The following EFCAB14 variants were observed in gnomAD, a reference collection of about 807,000 sequenced individuals.
EFCAB14 encodes EF-hand calcium binding domain 14.
EFCAB14 carries 43 observed loss-of-function variants against 56.5 expected under a neutral mutation model. The ratio of observed to expected loss-of-function variants is 0.76; its 90% CI spans 0.60 to 0.98. The LOEUF (loss-of-function observed/expected upper bound fraction) is 0.98, where lower values mean the gene tolerates loss of function less well. Ranked by LOEUF, EFCAB14 falls within the 50% of genes least tolerant of loss-of-function variation. The pLI is 0.00. For synonymous variants in EFCAB14, 235 were observed against 212.9 expected, an observed-to-expected ratio of 1.10 and a Z score of -0.90; for missense variants, 538 against 580.3, an observed-to-expected ratio of 0.93 and a Z score of 0.75.
Position 46,696,639 on chromosome 1 carries a change from A to G in EFCAB14, c.491T>C (p.Leu164Ser), listed in dbSNP as rs1677081889. 1 of 1,613,418 alleles carries G rather than the reference A, an allele frequency of 6.2e-7. No individual in the cohort carries two copies. Among genetic ancestry groups the G allele is most frequent in the Non-Finnish European group, 8.5e-7 (1 of 1,179,488 alleles). Residue 164 changes from leucine (L) to serine (S), a missense_variant, in exon 4 of 11, where the codon TTG (leucine) becomes TCG (serine). Transcript: ENST00000371933. ...TTTGAGGTGGTTCACTGCAGAAGTC[A>G]ACAGAGAAATCTGAACAAAAAAGAG... ...ITEMNKQISL[L>S]TSAVNHLKAN...
rs1676826537 is a variant in EFCAB14 at position 46,683,337 on chromosome 1, T to C, written c.1275A>G (p.Leu425=). Residue 425 remains leucine, a synonymous_variant, in exon 10 of 11, where the codon CTA becomes CTG. Coordinates refer to ENST00000371933, the MANE Select transcript of EFCAB14 (RefSeq NM_014774.3). ...AAACTCCTGGTAGGGAGATAGGTCT[T>C]AGTTGGGCAGCTTTCTCAACTGGGT... The part of the protein sequence containing the change: ...LGDPVEKAAQ[L]RPISLPGVSS... 1.2e-6 allele frequency: 2 copies of C among 1,614,102 alleles called. No individual in the cohort carries two copies. The highest frequency in any genetic ancestry group is 1.7e-6 in the Non-Finnish European group (2 of 1,179,984).
At chr1:46,708,205 T>A (rs535157215) in intron 2 of EFCAB14, among the ~76,000 whole-genome samples, 154 bp from the exon 3 acceptor site, 1 of 152,346 alleles carries the variant, frequency 6.6e-6, no homozygotes, top group South Asian at 2.1e-4. Flanking sequence ...TCTTTCACAC[T>A]AAAGCTCCCA....
At chr1:46,704,016 C>A (rs1265540352) in intron 3 of EFCAB14, among the ~76,000 whole-genome samples, 1 of 152,178 alleles carries the variant, frequency 6.6e-6, no homozygotes, top group Non-Finnish European at 1.5e-5. Flanking sequence ...AGTTCAAGAT[C>A]TCTAGGAAAT....
intron 1 of EFCAB14, 134 bp downstream of exon 1, chr1:46,717,769 T>A: frequency 1.1e-6 from 1 of 887,930 alleles, no homozygotes; most frequent in Admixed American, 2.9e-5. Flanking sequence ...CCTAAAACCG[T>A]TTTTCCCTCT....
At chr1:46,703,187 G>C (rs1202686459) in intron 3 of EFCAB14, among the ~76,000 whole-genome samples, 1 of 151,558 alleles carries the variant, frequency 6.6e-6, no homozygotes, top group Non-Finnish European at 1.5e-5. Flanking sequence ...TCAGCTCACT[G>C]CAACCTCTGC....
intron 10 of EFCAB14, among the ~76,000 whole-genome samples, chr1:46,681,717 G>A (rs1033392213): frequency 1.3e-5 from 2 of 149,132 alleles, no homozygotes; most frequent in East Asian, 2.0e-4. Context: ...GCTACACTAC[G>A]CACTTGGTAG....
rs1021797057 is a variant in EFCAB14 at position 46,719,046 on chromosome 1, G to GGCGGCGGCT, written c.-968_-960dup. The GGCGGCGGCT allele has an allele frequency of 6.3e-6, 1 of 159,130 alleles. No homozygotes were observed. The highest frequency in any genetic ancestry group is 1.4e-5 in the Non-Finnish European group (1 of 73,152). 9.9% of individuals were successfully genotyped at this position (159,130 alleles called of 1,614,324 possible). A position where few individuals can be genotyped will look rare whatever the true frequency, so the allele number is the denominator to read the frequency against. On this transcript the variant is annotated 5_prime_UTR_variant, in exon 1 of 11. Transcript: ENST00000371933. The surrounding 1 kb of genome is among the most constrained non-coding windows in gnomAD (Gnocchi z 4.0). ...CCGACACGTTGTTGTTGGCGTTGGT[G>GGCGGCGGCT]GCGGCGGCTGCGGCGGCGGCGGCCG... is the stretch of plus-strand genomic sequence containing the variant.
intron 5 of EFCAB14, among the ~76,000 whole-genome samples, chr1:46,690,312 C>G (rs1291722887): frequency 6.6e-6 from 1 of 152,138 alleles, no homozygotes; most frequent in East Asian, 1.9e-4. Context: ...GTGAGGAAAA[C>G]TTTGCATGGC....
intron 10 of EFCAB14, among the ~76,000 whole-genome samples, chr1:46,679,784 T>C (rs866800320): frequency 1.3e-5 from 2 of 151,988 alleles, no homozygotes; most frequent in Middle Eastern, 6.8e-3. Flanking sequence ...CTAATTTTTG[T>C]ATTTTTAGTA....
chr1:46,710,795 T>C (rs942268049), intron 2 of EFCAB14, among the ~76,000 whole-genome samples: 1 of 152,178 alleles, frequency 6.6e-6, no homozygotes, highest in Non-Finnish European at 1.5e-5. Flanking sequence ...CAAGTGATCC[T>C]TCTGCCTCAG....
intron 10 of EFCAB14, among the ~76,000 whole-genome samples, chr1:46,680,208 T>A (rs746973336): frequency 6.6e-6 from 1 of 152,164 alleles, no homozygotes; most frequent in Non-Finnish European, 1.5e-5. Context: ...TTCCTAGGTA[T>A]ATATATACTC....
At chr1:46,709,903 A>C (rs1002228865) in intron 2 of EFCAB14, among the ~76,000 whole-genome samples, 1 of 152,072 alleles carries the variant, frequency 6.6e-6, no homozygotes, top group African/African-American at 2.4e-5. Context: ...AAGGAGAATC[A>C]TTTGAACCTG....
rs756283516 is a variant in EFCAB14, at chr1:46,708,006, T to C, written c.380A>G (p.Asn127Ser). 43 of 1,612,716 alleles carry C rather than the reference T, an allele frequency of 2.7e-5. No individual in the cohort carries two copies. Among genetic ancestry groups the C allele is most frequent in the Non-Finnish European group, 3.5e-5 (41 of 1,179,708 alleles). ...TTTTTGCTTGCTGAGTAGTTCTTCATTAAGTTTGGGGATTTCTTGGAATGA... is the reference window on the plus strand; with the variant it reads ...TTTTTGCTTGCTGAGTAGTTCTTCACTAAGTTTGGGGATTTCTTGGAATGA... ...KSSFQEIPKL[N>S]EELLSKQKQL... The change falls in exon 3 of 11, where the codon AAT becomes AGT. Residue 127 changes from asparagine (N) to serine (S), a missense_variant. Physicochemically the swap from Asn to Ser is conservative, Grantham distance 46 (BLOSUM62 1). Transcript: ENST00000371933.
chr1:46,716,248 CAAAAAAAAAAA>C, intron 2 of EFCAB14, 36 bp downstream of exon 2: 19 of 1,053,856 alleles, frequency 1.8e-5, no homozygotes, highest in South Asian at 4.9e-5. Flanking sequence ...GACCCTGTCT[CAAAAAAAAAAA>C]AAAAAAAAAA....
At chr1:46,706,628 T>C (rs1037337311) in intron 3 of EFCAB14, among the ~76,000 whole-genome samples, 2 of 152,182 alleles carry the variant, frequency 1.3e-5, no homozygotes, top group Non-Finnish European at 2.9e-5. Flanking sequence ...GTGGTCTACT[T>C]TCACCTGATG....
Position 46,676,769 on chromosome 1 carries a change from G to A in EFCAB14, c.*1692C>T, listed in dbSNP as rs1165028224. On this transcript the variant is annotated 3_prime_UTR_variant, in exon 11 of 11. Transcript: ENST00000371933. ...AGCATAAGCTATAATGAGATAAGGG[G>A]ACACATTCATGGGAAAAGACTTCAT... 1 of 152,326 alleles carries A rather than the reference G, an allele frequency of 6.6e-6. No homozygotes were observed. Among genetic ancestry groups the A allele is most frequent in the Non-Finnish European group, 1.5e-5 (1 of 68,004 alleles). 9.4% of individuals were successfully genotyped at this position (152,326 alleles called of 1,614,324 possible). A position where few individuals can be genotyped will look rare whatever the true frequency, so the allele number is the denominator to read the frequency against.
intron 3 of EFCAB14, 138 bp from the exon 4 acceptor site, chr1:46,696,787 A>G (rs1557445479): frequency 1.4e-6 from 1 of 720,984 alleles, no homozygotes; most frequent in Admixed American, 2.5e-5. Context: ...AGCTCACAGA[A>G]GTAAAGGAGA....
At chr1:46,691,323 C>T (rs1490271980) in intron 5 of EFCAB14, among the ~76,000 whole-genome samples, 2 of 152,138 alleles carry the variant, frequency 1.3e-5, no homozygotes, top group Admixed American at 6.6e-5. Context: ...GGTGCTGTTC[C>T]ATGTGTTGTA....
At chr1:46,699,652 TATAATA>T (rs918748876) in intron 3 of EFCAB14, among the ~76,000 whole-genome samples, 9 of 152,250 alleles carry the variant, frequency 5.9e-5, no homozygotes, top group South Asian at 2.1e-4. Context: ...AGTAACTGGG[TATAATA>T]ATAATAACAA....
Sources: allele counts gnomAD v4.1 joint callset (sites outside exome capture counted in the v4.1 genomes callset), GRCh38; gene constraint gnomAD v4.1.1; non-coding constraint Gnocchi (gnomAD v3.1); transcripts MANE v1.5; gene names NCBI Gene and HGNC (gene_info 2026-07-23, HGNC 2026-07-21).